Variants in FRAS1 observed in about 807,000 individuals in gnomAD.
FRAS1 encodes Fraser extracellular matrix complex subunit 1.
In FRAS1, 290 loss-of-function variants were observed where a neutral mutation model predicts 435.2. The observed-to-expected ratio is 0.67, with a 90% CI of 0.61 to 0.73. FRAS1 has a LOEUF of 0.73. Ranked by LOEUF, FRAS1 falls within the 30% of genes least tolerant of loss-of-function variation. The pLI is 0.00. For missense variants in FRAS1, 4,860 were observed against 5,001.5 expected, an observed-to-expected ratio of 0.97 and a Z score of 0.85; for synonymous variants, 1,800 against 1,851.0, an observed-to-expected ratio of 0.97 and a Z score of 0.71.
chr4:78,376,114 G>A (rs924775511), intron 26 of FRAS1, among the ~76,000 whole-genome samples: 1 of 152,212 alleles, frequency 6.6e-6, no homozygotes, highest in African/African-American at 2.4e-5. Context: ...AAAAGTCACA[G>A]CTATCAGATA....
At chr4:78,413,188 C>T (rs989876337) in intron 32 of FRAS1, 103 bp downstream of exon 32, 72 of 602,632 alleles carry the variant, frequency 1.2e-4, no homozygotes, top group Middle Eastern at 4.5e-4. Context: ...AAGTGCCTGG[C>T]CCAGATCACA....
chr4:78,242,159 A>G (rs1008934265), intron 3 of FRAS1, among the ~76,000 whole-genome samples: 1 of 152,222 alleles, frequency 6.6e-6, no homozygotes, highest in African/African-American at 2.4e-5. Context: ...AAGAACTAGA[A>G]GGGATCTTTA....
chr4:78,463,157 G>A (rs1236573871), intron 47 of FRAS1, among the ~76,000 whole-genome samples: 1 of 152,102 alleles, frequency 6.6e-6, no homozygotes, highest in Non-Finnish European at 1.5e-5. Context: ...ATGAGCCCTA[G>A]CAGCCCTAAG....
At chr4:78,307,435 G>A (rs1372975587) in intron 14 of FRAS1, among the ~76,000 whole-genome samples, 1 of 152,234 alleles carries the variant, frequency 6.6e-6, no homozygotes, top group African/African-American at 2.4e-5. Context: ...AAGCAAGCCT[G>A]GGCAATGGCG....
chr4:78,102,335 C>T (rs1185149136), intron 2 of FRAS1, among the ~76,000 whole-genome samples: 23 of 152,082 alleles, frequency 1.5e-4, no homozygotes, highest in Admixed American at 1.5e-3. Context: ...AAGTTCATGC[C>T]CAGAATCTGT....
rs543810587 is a variant in FRAS1 at position 78,247,850 on chromosome 4, C to A, written c.309+2525C>A. ...ATTTTAAGAACTTTGGAATGGTGAT[C>A]TGAAGTGGAAGCTTTCCCCTAAGAC... On this transcript the variant is annotated intron_variant, in intron 4 of 73. Coordinates refer to ENST00000512123, the MANE Select transcript of FRAS1 (RefSeq NM_025074.7). 1.6e-4 allele frequency among the ~76,000 whole-genome samples: 25 copies of A among 152,216 alleles called. No individual in the cohort carries two copies. The East Asian group carries it at 4.8e-3, about 29-fold the overall frequency.
In FRAS1 at chr4:78,420,884, A is replaced by ATG. The variant is rs1175093248; in HGVS notation, c.4541-978_4541-977insGT. ...GAGGGACAGAACTAATAGGACATATATATATATATATATATATATATATAT... is the reference window on the plus strand; with the variant it reads ...GAGGGACAGAACTAATAGGACATATATGTATATATATATATATATATATATAT... On this transcript the variant is annotated intron_variant, in intron 33 of 73. Coordinates refer to ENST00000512123, the MANE Select transcript of FRAS1 (RefSeq NM_025074.7). Among the ~76,000 whole-genome samples, 9 of 30,584 alleles carry ATG rather than the reference A, an allele frequency of 2.9e-4. 1 individual carries two copies. Among genetic ancestry groups the ATG allele is most frequent in the African/African-American group, 1.4e-3 (9 of 6,506 alleles). The allele number at this position is 30,584 out of a possible 152,430, so 20.1% of individuals were successfully genotyped here.
intron 2 of FRAS1, among the ~76,000 whole-genome samples, chr4:78,188,309 C>G: frequency 1.2e-4 from 1 of 8,154 alleles, no homozygotes; most frequent in East Asian, 0.25. Context: ...ATCTATCTAT[C>G]TATCTATCTA....
At chr4:78,517,202 T>C (rs1425053397) in intron 66 of FRAS1, among the ~76,000 whole-genome samples, 1 of 152,230 alleles carries the variant, frequency 6.6e-6, no homozygotes, top group Non-Finnish European at 1.5e-5. Flanking sequence ...TCATTTTCTT[T>C]GTGGTGCCTC....
chr4:78,385,941 A>G (rs911859905), intron 28 of FRAS1, among the ~76,000 whole-genome samples: 1 of 151,588 alleles, frequency 6.6e-6, no homozygotes, highest in African/African-American at 2.4e-5. Context: ...ACAGAGGGCT[A>G]CATCCAGTCT....
At chr4:78,331,190 G>T (rs1453293603) in intron 18 of FRAS1, among the ~76,000 whole-genome samples, 1 of 152,162 alleles carries the variant, frequency 6.6e-6, no homozygotes, top group Admixed American at 6.5e-5. Context: ...TTAAAAATAT[G>T]GGTCTCTAGG....
intron 50 of FRAS1, among the ~76,000 whole-genome samples, chr4:78,466,806 T>G (rs1719545810): frequency 6.6e-6 from 1 of 152,218 alleles, no homozygotes; most frequent in Non-Finnish European, 1.5e-5. Context: ...ATTGTATATC[T>G]CTAGATTGTT....
chr4:78,289,289 C>G (rs2110191214), intron 14 of FRAS1, among the ~76,000 whole-genome samples: 1 of 150,016 alleles, frequency 6.7e-6, no homozygotes, highest in East Asian at 1.9e-4. Context: ...CAAACACAAA[C>G]ATGCATATAA....
chr4:78,299,360 C>A (rs745562640), intron 14 of FRAS1, among the ~76,000 whole-genome samples: 23 of 152,172 alleles, frequency 1.5e-4, no homozygotes, highest in Admixed American at 3.9e-4. Context: ...GGCACAGATG[C>A]ACATCAGAGA....
At chr4:78,434,001 A>G (rs531307981) in intron 38 of FRAS1, among the ~76,000 whole-genome samples, 1 of 152,374 alleles carries the variant, frequency 6.6e-6, no homozygotes, top group African/African-American at 2.4e-5. Context: ...CATACATTTT[A>G]AAGACTTAGG....
chr4:78,067,751 T>G (rs1355480042), intron 2 of FRAS1, among the ~76,000 whole-genome samples: 1 of 149,244 alleles, frequency 6.7e-6, no homozygotes, highest in African/African-American at 2.5e-5. Context: ...CAGGCTGGAG[T>G]GCAGGGATCT....
chr4:78,101,113 G>A (rs965333138), intron 2 of FRAS1, among the ~76,000 whole-genome samples: 4 of 141,164 alleles, frequency 2.8e-5, no homozygotes, highest in Admixed American at 7.4e-5. Flanking sequence ...TGAATAACTC[G>A]ATTTTTTTTT....
chr4:78,316,355 C>G (rs1729245268), intron 16 of FRAS1, among the ~76,000 whole-genome samples: 1 of 152,342 alleles, frequency 6.6e-6, no homozygotes, highest in South Asian at 2.1e-4. Context: ...CCCCTCCTCT[C>G]TGAAACATAT....
At chr4:78,116,277 G>A (rs138913200) in intron 2 of FRAS1, among the ~76,000 whole-genome samples, 9,149 of 152,170 alleles carry the variant, frequency 0.06, 749 homozygotes, top group African/African-American at 0.18. Flanking sequence ...GAATAGGTGT[G>A]GTGTGGTGCT....
Sources: gnomAD v4.1 joint callset for allele counts (sites outside exome capture counted in the v4.1 genomes callset) on GRCh38, gnomAD v4.1.1 for gene constraint, MANE v1.5 for transcripts, NCBI Gene and HGNC (gene_info 2026-07-23, HGNC 2026-07-21) for gene names.